The following SEMA4D variants were observed in gnomAD, a reference collection of about 807,000 sequenced individuals.
SEMA4D encodes semaphorin-4D.
SEMA4D carries 22 observed loss-of-function variants against 74.8 expected under a neutral mutation model. The observed-to-expected ratio is 0.29, with a 90% confidence interval of 0.21 to 0.42. The LOEUF (loss-of-function observed/expected upper bound fraction) is 0.42. SEMA4D is among the 10% of genes least tolerant of loss of function. The pLI, the probability that SEMA4D is intolerant of heterozygous loss-of-function variation, is 1.00. For missense variants in SEMA4D, 937 were observed against 1,118.4 expected (o/e 0.84, Z 2.31); for synonymous variants, 445 against 463.7 (o/e 0.96, Z 0.52).
At chr9:89,391,503 T>C (rs1020589172) in intron 8 of SEMA4D, 88 bp from the exon 9 acceptor site, 16 of 1,362,814 alleles carry the variant, frequency 1.2e-5, no homozygotes, top group Non-Finnish European at 1.7e-5. Flanking sequence ...CAACACTACC[T>C]TGGGGGCCTG....
At chr9:89,447,893 A>G (rs547998866) in intron 2 of SEMA4D, among the ~76,000 whole-genome samples, 1 of 152,348 alleles carries the variant, frequency 6.6e-6, no homozygotes, top group Non-Finnish European at 1.5e-5. Context: ...AGGCACAGGC[A>G]TGGCGCCAGC....
At chr9:89,472,461 C>G in intron 1 of SEMA4D, 1 of 180,800 alleles carries the variant, frequency 5.5e-6, no homozygotes, top group Non-Finnish European at 1.1e-5. Context: ...GACCTAAACA[C>G]TGAGAAGCAC....
intron 2 of SEMA4D, among the ~76,000 whole-genome samples, chr9:89,447,496 CT>C (rs1853205091): frequency 6.6e-6 from 1 of 152,078 alleles, no homozygotes; most frequent in African/African-American, 2.4e-5. Context: ...GTGTTCTGTG[CT>C]CCCCGACCCC....
chr9:89,473,320 A>G (rs1444155280), intron 1 of SEMA4D, among the ~76,000 whole-genome samples: 1 of 152,174 alleles, frequency 6.6e-6, no homozygotes, highest in African/African-American at 2.4e-5. Context: ...GACGCCTGTA[A>G]TCCCAGCACT....
chr9:89,491,241 G>A (rs1825599505), intron 1 of SEMA4D, among the ~76,000 whole-genome samples: 1 of 152,188 alleles, frequency 6.6e-6, no homozygotes, highest in Non-Finnish European at 1.5e-5. Context: ...CTGTCTTAGG[G>A]CAGCAGTTCA....
chr9:89,466,103 A>G (rs1858621764), intron 1 of SEMA4D, among the ~76,000 whole-genome samples: 1 of 152,170 alleles, frequency 6.6e-6, no homozygotes, highest in Non-Finnish European at 1.5e-5. Flanking sequence ...GGGCAGGACC[A>G]CACAGGGTGC....
intron 16 of SEMA4D, among the ~76,000 whole-genome samples, chr9:89,371,180 G>T (rs572001293): frequency 5.6e-4 from 62 of 110,096 alleles, no homozygotes; most frequent in African/African-American, 1.8e-3. Flanking sequence ...GGTGTGTGTG[G>T]GGGGGGTGTG....
At chr9:89,364,273 A>G in intron 16 of SEMA4D, 1 of 417,418 alleles carries the variant, frequency 2.4e-6, no homozygotes. Context: ...TGGGCCTTGG[A>G]ACAGCATCCC....
intron 16 of SEMA4D, among the ~76,000 whole-genome samples, chr9:89,371,494 CTG>C (rs1197868719): frequency 2.2e-5 from 1 of 44,902 alleles, no homozygotes; most frequent in Non-Finnish European, 3.8e-5. Flanking sequence ...TGGGATGTGT[CTG>C]GGGTGTAGTG....
At chr9:89,439,966 C>G (rs11265893) in intron 2 of SEMA4D, among the ~76,000 whole-genome samples, 1 of 152,232 alleles carries the variant, frequency 6.6e-6, no homozygotes, top group Admixed American at 6.5e-5. Flanking sequence ...CACACTGCCC[C>G]TCAATCACCC....
At chr9:89,454,555 T>C (rs1855470734) in intron 2 of SEMA4D, among the ~76,000 whole-genome samples, 2 of 152,160 alleles carry the variant, frequency 1.3e-5, no homozygotes, top group African/African-American at 2.4e-5. Context: ...TCTGGTTCCA[T>C]CCAAGCACGT....
intron 6 of SEMA4D, among the ~76,000 whole-genome samples, chr9:89,394,161 C>T (rs763911473): frequency 6.6e-5 from 10 of 152,214 alleles, no homozygotes; most frequent in Non-Finnish European, 8.8e-5. Flanking sequence ...CATCTGAATA[C>T]TAAAAACAGA....
At chr9:89,451,305 C>G (rs932737812) in intron 2 of SEMA4D, among the ~76,000 whole-genome samples, 1 of 152,186 alleles carries the variant, frequency 6.6e-6, no homozygotes, top group Admixed American at 6.5e-5. Context: ...AGTCAGGCCC[C>G]TCCCATTTTA....
Position 89,386,421 on chromosome 9 carries a change from G to A in SEMA4D, c.1392C>T (p.Thr464=), listed in dbSNP as rs1359870823. The A allele has an allele frequency of 1.9e-6, 3 of 1,613,948 alleles. No individual in the cohort carries two copies. Among genetic ancestry groups the A allele is most frequent in the Middle Eastern group, 1.6e-4 (1 of 6,084 alleles). The change falls in exon 13 of 16, where the codon ACC becomes ACT. Residue 464 remains threonine (T), a synonymous_variant. Coordinates refer to ENST00000422704, the MANE Select transcript of SEMA4D (RefSeq NM_001371194.2). The stretch of plus-strand genomic sequence containing the variant: ...CTGGCTCAAAGTCCTGGAAGAGCTG[G>A]GTCTCCTCGATGATGTGAACAGCGT... ...LEHAVHIIEE[T]QLFQDFEPVQ...
At chr9:89,465,160 C>T (rs1198077024) in intron 1 of SEMA4D, among the ~76,000 whole-genome samples, 3 of 152,130 alleles carry the variant, frequency 2.0e-5, no homozygotes, top group African/African-American at 4.8e-5. Context: ...TGGGAAGATC[C>T]GCCCACAGAA....
At chr9:89,424,221 G>T (rs1442470146) in intron 2 of SEMA4D, among the ~76,000 whole-genome samples, 2 of 152,174 alleles carry the variant, frequency 1.3e-5, no homozygotes, top group Non-Finnish European at 2.9e-5. Context: ...CACAAATGAG[G>T]ACTGTAAGGC....
At chr9:89,370,595 G>C (rs1834428816) in intron 16 of SEMA4D, among the ~76,000 whole-genome samples, 1 of 151,124 alleles carries the variant, frequency 6.6e-6, no homozygotes, top group Non-Finnish European at 1.5e-5. Context: ...TCTGTGTAGT[G>C]TGTGTGGTAT....
At chr9:89,460,850 A>G (rs1776403926) in intron 1 of SEMA4D, among the ~76,000 whole-genome samples, 4 of 152,228 alleles carry the variant, frequency 2.6e-5, no homozygotes. Flanking sequence ...GCAGACAGGC[A>G]GGGCTTAGCA....
downstream of SEMA4D, among the ~76,000 whole-genome samples, chr9:89,374,505 T>A (rs117173902): frequency 0.015 from 2,296 of 152,306 alleles, 31 homozygotes; most frequent in Middle Eastern, 0.031. Flanking sequence ...GACTGAGTGT[T>A]TGACACTTCA....
Sources: allele counts gnomAD v4.1 joint callset (sites outside exome capture counted in the v4.1 genomes callset), GRCh38; gene constraint gnomAD v4.1.1; transcripts MANE v1.5; gene names NCBI Gene and HGNC (gene_info 2026-07-23, HGNC 2026-07-21).